Variants in NXPH1 observed in about 807,000 individuals in gnomAD.
NXPH1 encodes neurexophilin 1.
NXPH1 carries 5 observed loss-of-function variants against 23.7 expected under a neutral mutation model. The ratio of observed to expected loss-of-function variants is 0.21; its 90% CI spans 0.11 to 0.44. The LOEUF (loss-of-function observed/expected upper bound fraction) is 0.44, where lower values mean the gene tolerates loss of function less well. Among genes scored for constraint, NXPH1 ranks in the 20% least tolerant of loss-of-function variants. The probability of loss-of-function intolerance (pLI) is 0.99; values close to 1 mark genes in which losing one functional copy is unlikely to be tolerated. For synonymous variants in NXPH1, 144 were observed against 122.2 expected, an observed-to-expected ratio of 1.18 and a Z score of -1.18; for missense variants, 324 against 321.6, an observed-to-expected ratio of 1.01 and a Z score of -0.06.
chr7:8,614,581 TA>T (rs1265819432), intron 2 of NXPH1, among the ~76,000 whole-genome samples: 2 of 151,944 alleles, frequency 1.3e-5, no homozygotes, highest in Non-Finnish European at 2.9e-5. Flanking sequence ...CATACACATT[TA>T]GAGATAGAGA....
chr7:8,725,244 C>T (rs1049058387), intron 2 of NXPH1, among the ~76,000 whole-genome samples: 8 of 152,312 alleles, frequency 5.3e-5, no homozygotes, highest in Admixed American at 3.9e-4. Context: ...AATCTCAGCA[C>T]TTTGAGATGC....
At chr7:8,620,573 C>T (rs540434342) in intron 2 of NXPH1, among the ~76,000 whole-genome samples, 1 of 152,256 alleles carries the variant, frequency 6.6e-6, no homozygotes, top group East Asian at 1.9e-4. Flanking sequence ...CTGCCACCAG[C>T]CTGACTCCTC....
intron 2 of NXPH1, among the ~76,000 whole-genome samples, chr7:8,564,178 T>C (rs1483672904): frequency 6.6e-6 from 1 of 151,812 alleles, no homozygotes; most frequent in Non-Finnish European, 1.5e-5. Flanking sequence ...CCGCTTACTC[T>C]GATGGGGCTG....
chr7:8,495,541 C>A (rs1817319468), intron 2 of NXPH1, among the ~76,000 whole-genome samples: 1 of 151,826 alleles, frequency 6.6e-6, no homozygotes, highest in Non-Finnish European at 1.5e-5. Context: ...TGACTTAGAG[C>A]CAATTCCATA....
chr7:8,516,702 C>T (rs1411487345), intron 2 of NXPH1, among the ~76,000 whole-genome samples: 1 of 152,076 alleles, frequency 6.6e-6, no homozygotes, highest in African/African-American at 2.4e-5. Flanking sequence ...GGAGGTAGAA[C>T]TCTGGAGCCT....
At chr7:8,546,773 G>T (rs1267198613) in intron 2 of NXPH1, among the ~76,000 whole-genome samples, 1 of 151,306 alleles carries the variant, frequency 6.6e-6, no homozygotes, top group Non-Finnish European at 1.5e-5. Flanking sequence ...CTGTCAATTA[G>T]TATCTGCTAA....
In NXPH1 at chr7:8,527,948, A is replaced by T. The variant is rs569967752; in HGVS notation, c.54+92181A>T. Among the ~76,000 whole-genome samples, 8 of 152,342 alleles carry T rather than the reference A, an allele frequency of 5.3e-5. No individual in the cohort carries two copies. The South Asian group carries it at 1.7e-3, about 32-fold the overall frequency. ...ACATGCTATCTATTTCTAATTGATC[A>T]TTTGGTAGAAAAGAGTTTCCTCGGG... is the stretch of plus-strand genomic sequence containing the variant. On this transcript the variant is annotated intron_variant, in intron 2 of 2. Coordinates refer to ENST00000405863, the MANE Select transcript of NXPH1 (RefSeq NM_152745.3).
chr7:8,521,730 T>C (rs1817774811), intron 2 of NXPH1, among the ~76,000 whole-genome samples: 1 of 152,138 alleles, frequency 6.6e-6, no homozygotes, highest in Admixed American at 6.5e-5. Context: ...TGTTAAATCA[T>C]AAGAATTAAA....
chr7:8,681,292 T>C (rs1021625802), intron 2 of NXPH1, among the ~76,000 whole-genome samples: 4 of 152,246 alleles, frequency 2.6e-5, no homozygotes, highest in African/African-American at 9.6e-5. Context: ...TGATATATGA[T>C]GCAAAAATAC....
chr7:8,558,064 G>C (rs944680571), intron 2 of NXPH1, among the ~76,000 whole-genome samples: 16 of 151,584 alleles, frequency 1.1e-4, no homozygotes, highest in African/African-American at 3.9e-4. Context: ...TTTCTCTTCT[G>C]TCCTCCCTAA....
At chr7:8,593,059 A>C (rs990031228) in intron 2 of NXPH1, among the ~76,000 whole-genome samples, 2 of 151,956 alleles carry the variant, frequency 1.3e-5, no homozygotes, top group Non-Finnish European at 2.9e-5. Context: ...TCTTTAACTC[A>C]AATGCCTCAC....
rs116642194 is a variant in NXPH1 at position 8,634,610 on chromosome 7, T to C, written c.55-116398T>C. Among the ~76,000 whole-genome samples, 478 of 151,840 alleles carry C rather than the reference T, an allele frequency of 3.1e-3. 3 individuals carry two copies. The highest frequency in any genetic ancestry group is 0.011 in the African/African-American group (459 of 41,406). On this transcript the variant is annotated intron_variant, in intron 2 of 2. Transcript: ENST00000405863. ...TACAAAGCAAGAGGTATAAAATTCT[T>C]TGGAGTGAGTTCTTTCTTCTGCAGT...
intron 2 of NXPH1, among the ~76,000 whole-genome samples, chr7:8,725,969 C>A (rs1780046131): frequency 6.6e-6 from 1 of 152,122 alleles, no homozygotes; most frequent in South Asian, 2.1e-4. Flanking sequence ...AACTAATCTC[C>A]ATTATTTAAT....
intron 2 of NXPH1, among the ~76,000 whole-genome samples, chr7:8,609,968 G>C (rs143034773): frequency 6.6e-6 from 1 of 152,078 alleles, no homozygotes; most frequent in African/African-American, 2.4e-5. Flanking sequence ...AAATTTACTT[G>C]TTTGATTTAG....
chr7:8,636,633 A>T (rs574995603), intron 2 of NXPH1, among the ~76,000 whole-genome samples: 13 of 152,210 alleles, frequency 8.5e-5, no homozygotes, highest in Non-Finnish European at 1.8e-4. Flanking sequence ...GGGAATCATG[A>T]GGATGCAGTC....
intron 2 of NXPH1, among the ~76,000 whole-genome samples, chr7:8,651,755 G>A (rs534185972): frequency 6.6e-6 from 1 of 152,214 alleles, no homozygotes; most frequent in Admixed American, 6.5e-5. Context: ...GATACATGAA[G>A]AAAAACATTA....
chr7:8,452,057 G>T (rs1816515750), intron 2 of NXPH1, among the ~76,000 whole-genome samples: 1 of 152,152 alleles, frequency 6.6e-6, no homozygotes, highest in Non-Finnish European at 1.5e-5. Flanking sequence ...TGACTGATTA[G>T]CCACTCAGAT....
chr7:8,614,005 A>T (rs1464113422), intron 2 of NXPH1, among the ~76,000 whole-genome samples: 5 of 151,854 alleles, frequency 3.3e-5, no homozygotes, highest in African/African-American at 1.2e-4. Flanking sequence ...TCTGTCCATA[A>T]TGTTTTTATA....
chr7:8,595,019 G>A (rs1182834604), intron 2 of NXPH1, among the ~76,000 whole-genome samples: 3 of 151,990 alleles, frequency 2.0e-5, no homozygotes, highest in Admixed American at 1.3e-4. Flanking sequence ...TCACAAAAGT[G>A]AAGTTACAGC....
Sources: gnomAD v4.1 joint callset for allele counts (sites outside exome capture counted in the v4.1 genomes callset) on GRCh38, gnomAD v4.1.1 for gene constraint, MANE v1.5 for transcripts, NCBI Gene and HGNC (gene_info 2026-07-23, HGNC 2026-07-21) for gene names.